Variants in TFDP1 observed in about 807,000 individuals in gnomAD.
The protein encoded by TFDP1 is transcription factor Dp-1.
Under a neutral mutation model 48.0 loss-of-function variants are expected in TFDP1, and 6 were observed. The observed-to-expected ratio is 0.13, with a 90% CI of 0.07 to 0.25. TFDP1 has a LOEUF of 0.25. TFDP1 is among the 10% of genes least tolerant of loss of function. The probability of loss-of-function intolerance (pLI) is 1.00; values close to 1 mark genes in which losing one functional copy is unlikely to be tolerated. For synonymous variants in TFDP1, 201 were observed against 211.6 expected (o/e 0.95, Z 0.44); for missense variants, 335 against 543.0 (o/e 0.62, Z 3.81).
intron 2 of TFDP1, among the ~76,000 whole-genome samples, chr13:113,603,047 T>C (rs1014496567): frequency 2.0e-5 from 3 of 151,854 alleles, no homozygotes; most frequent in African/African-American, 4.8e-5. Flanking sequence ...ACATGCAGCC[T>C]GCAGGACACA....
rs4150691 is a variant in TFDP1 at position 113,588,602 on chromosome 13, C to T, written c.12+2753C>T. On this transcript the variant is annotated intron_variant, in intron 2 of 11. Transcript: ENST00000375370. The stretch of plus-strand genomic sequence containing the variant: ...GGTCTATATGGCAAGGAGCTACACA[C>T]GAGGGAGGAGAGAGGTACTCTGAAA... 4.0e-3 allele frequency among the ~76,000 whole-genome samples: 604 copies of T among 152,198 alleles called. 7 individuals are homozygous for T. Among genetic ancestry groups the T allele is most frequent in the African/African-American group, 0.014 (567 of 41,508 alleles).
At chr13:113,593,764 G>A (rs569328680) in intron 2 of TFDP1, among the ~76,000 whole-genome samples, 12 of 130,744 alleles carry the variant, frequency 9.2e-5, no homozygotes, top group African/African-American at 2.6e-4. Flanking sequence ...GTCCTCAGCC[G>A]TGCCCAGGTG....
chr13:113,595,434 T>C (rs1182134732), intron 2 of TFDP1, among the ~76,000 whole-genome samples: 2 of 152,200 alleles, frequency 1.3e-5, no homozygotes, highest in East Asian at 3.9e-4. Context: ...GAGGGGTGTC[T>C]GGAATGAGCA....
chr13:113,598,143 T>C lies in TFDP1; in HGVS notation c.12+12294T>C, dbSNP rs2048329757. ...GCTGGTGCCTGGCCAAGTTCCCGTC[T>C]GGTCCCTCTACTCCCCACCACCCCA... On this transcript the variant is annotated intron_variant, in intron 2 of 11. Transcript: ENST00000375370. The surrounding 1 kb of genome is among the most constrained non-coding windows in gnomAD (Gnocchi z 4.2). 6.6e-6 allele frequency among the ~76,000 whole-genome samples: 1 copy of C among 152,200 alleles called. No homozygotes were observed. The highest frequency in any genetic ancestry group is 2.1e-4 in the South Asian group (1 of 4,836).
chr13:113,624,986 G>T (rs1433398340), intron 4 of TFDP1, among the ~76,000 whole-genome samples: 1 of 125,010 alleles, frequency 8.0e-6, no homozygotes, highest in East Asian at 2.4e-4. Flanking sequence ...CATGTCCTCA[G>T]GTGTCTCTCA....
intron 2 of TFDP1, among the ~76,000 whole-genome samples, chr13:113,608,057 C>T (rs1016509230): frequency 3.3e-5 from 5 of 152,172 alleles, no homozygotes; most frequent in African/African-American, 1.2e-4. Context: ...GCTGAGTGCA[C>T]GGTGGCCCTG....
chr13:113,636,534 A>G lies in TFDP1; in HGVS notation c.840A>G (p.Lys280=), dbSNP rs1452953576. Residue 280 remains lysine, a splice_region_variant and synonymous_variant, in exon 10 of 12, where the codon AAA becomes AAG. Coordinates refer to ENST00000375370, the MANE Select transcript of TFDP1 (RefSeq NM_007111.5). ...TVIDCSISND[K]FEYLFNFDNT... ...TTCTGACTGTGCCTTTCCCCTTCAG[A>G]TTTGAGTATCTGTTTAATTTTGACA... 2.5e-6 allele frequency: 4 copies of G among 1,613,438 alleles called. No individual in the cohort carries two copies. Among genetic ancestry groups the G allele is most frequent in the Non-Finnish European group, 2.5e-6 (3 of 1,179,946 alleles).
chr13:113,610,441 GC>G (rs1424182161), intron 2 of TFDP1, among the ~76,000 whole-genome samples: 1 of 150,782 alleles, frequency 6.6e-6, no homozygotes, highest in East Asian at 2.0e-4. Flanking sequence ...TCACACATGT[GC>G]CCCCGCTGTG....
intron 2 of TFDP1, chr13:113,586,091 G>C (rs888302878): frequency 2.7e-5 from 11 of 410,754 alleles, no homozygotes; most frequent in Non-Finnish European, 4.8e-5. Context: ...ATGGGGTGGT[G>C]CCTTCTGACT....
intron 8 of TFDP1, among the ~76,000 whole-genome samples, chr13:113,634,864 C>T (rs1014792866): frequency 9.4e-5 from 14 of 148,288 alleles, no homozygotes; most frequent in East Asian, 2.0e-4. Context: ...TGCGTGCGTG[C>T]GTGTGCCTGT....
At chr13:113,615,827 G>A (rs531079746) in intron 3 of TFDP1, among the ~76,000 whole-genome samples, 2 of 152,080 alleles carry the variant, frequency 1.3e-5, no homozygotes, top group African/African-American at 4.8e-5. Flanking sequence ...CAGGAGGATC[G>A]CTTGAGCCTG....
chr13:113,625,664 T>C (rs377453682), intron 4 of TFDP1, among the ~76,000 whole-genome samples: 3 of 73,776 alleles, frequency 4.1e-5, no homozygotes, highest in African/African-American at 1.8e-4. Context: ...GTCTCTCACG[T>C]GTCCTCAGGC....
In TFDP1 at chr13:113,627,350, C is replaced by T. The variant is rs920031976; in HGVS notation, c.186+4064C>T. Reference sequence around the variant, plus strand: ...GGGACAGAGGACATATGTGCTCAGCCGGCAGGAGCAGCGGCCTGTGTGAGC... The same window carrying T: ...GGGACAGAGGACATATGTGCTCAGCTGGCAGGAGCAGCGGCCTGTGTGAGC... On this transcript the variant is annotated intron_variant, in intron 4 of 11. Coordinates refer to ENST00000375370, the MANE Select transcript of TFDP1 (RefSeq NM_007111.5). This position sits in a 1 kb window ranked among gnomAD's most constrained non-coding sequence, Gnocchi z 4.1. 1.3e-5 allele frequency among the ~76,000 whole-genome samples: 2 copies of T among 152,162 alleles called. No homozygotes were observed. Among genetic ancestry groups the T allele is most frequent in the African/African-American group, 4.8e-5 (2 of 41,436 alleles).
At chr13:113,604,260 C>T (rs1169150544) in intron 2 of TFDP1, among the ~76,000 whole-genome samples, 5 of 152,010 alleles carry the variant, frequency 3.3e-5, no homozygotes, top group Non-Finnish European at 7.4e-5. Context: ...GCAAGGAGGA[C>T]CCACATGAGG....
At chr13:113,636,736 G>A in intron 10 of TFDP1, 36 bp downstream of exon 10, 1 of 1,602,750 alleles carries the variant, frequency 6.2e-7, no homozygotes. Flanking sequence ...GTGGCTGTGT[G>A]AGGAATGGCC....
intron 9 of TFDP1, among the ~76,000 whole-genome samples, chr13:113,636,330 G>T (rs952927679): frequency 6.6e-6 from 1 of 152,268 alleles, no homozygotes; most frequent in Admixed American, 6.5e-5. Flanking sequence ...GTGCCTTAGG[G>T]CATGTCCTCC....
At chr13:113,622,298 C>T (rs557140056) in intron 3 of TFDP1, among the ~76,000 whole-genome samples, 53 of 152,316 alleles carry the variant, frequency 3.5e-4, no homozygotes, top group Admixed American at 1.5e-3. Context: ...TACACTCTCT[C>T]GTCTCCGCAC....
intron 2 of TFDP1, among the ~76,000 whole-genome samples, chr13:113,605,535 T>G (rs57362696): frequency 0.051 from 7,749 of 152,270 alleles, 529 homozygotes; most frequent in African/African-American, 0.15. Flanking sequence ...CTGTCCTGGA[T>G]TCTCATGCAG....
rs763916756 is a variant in TFDP1 at position 113,631,757 on chromosome 13, C to T, written c.308+13C>T. On this transcript the variant is annotated intron_variant, in intron 5 of 11. Coordinates refer to ENST00000375370, the MANE Select transcript of TFDP1 (RefSeq NM_007111.5). ...CTTGGTCTGCCGGGTGAGCACTTCCCTCTGGACCCTTAGAGTTGTAGGACT... is the reference window on the plus strand; with the variant it reads ...CTTGGTCTGCCGGGTGAGCACTTCCTTCTGGACCCTTAGAGTTGTAGGACT... 2.5e-6 allele frequency: 4 copies of T among 1,613,374 alleles called. No homozygotes were observed. The highest frequency in any genetic ancestry group is 1.7e-6 in the Non-Finnish European group (2 of 1,179,716).
Sources: allele counts gnomAD v4.1 joint callset (sites outside exome capture counted in the v4.1 genomes callset), GRCh38; gene constraint gnomAD v4.1.1; non-coding constraint Gnocchi (gnomAD v3.1); transcripts MANE v1.5; gene names NCBI Gene and HGNC (gene_info 2026-07-23, HGNC 2026-07-21).